CEMIP: variants seen among roughly 807,000 people sequenced by gnomAD.
The protein encoded by CEMIP is cell migration inducing hyaluronidase 1, also known as cell migration-inducing and hyaluronan-binding protein.
In CEMIP, 105 loss-of-function variants were observed where a neutral mutation model predicts 156.9. That is an observed-to-expected ratio of 0.67 (90% CI 0.57 to 0.79). The LOEUF (loss-of-function observed/expected upper bound fraction) is 0.79. Among genes scored for constraint, CEMIP ranks in the 30% least tolerant of loss-of-function variants. The probability of loss-of-function intolerance (pLI) is 0.00; values close to 1 mark genes in which losing one functional copy is unlikely to be tolerated. For missense variants in CEMIP, 1,457 were observed against 1,769.4 expected (o/e 0.82, Z 3.17); for synonymous variants, 676 against 668.4 (o/e 1.01, Z -0.17).
intron 8 of CEMIP, among the ~76,000 whole-genome samples, chr15:80,888,435 G>A (rs1898924262): frequency 1.3e-5 from 2 of 152,202 alleles, no homozygotes; most frequent in African/African-American, 4.8e-5. Context: ...TGCCAAGGAG[G>A]AATTCAGACC....
chr15:80,823,048 T>C (rs561459411), intron 1 of CEMIP, among the ~76,000 whole-genome samples: 1 of 152,268 alleles, frequency 6.6e-6, no homozygotes, highest in South Asian at 2.1e-4. Context: ...TCCGCTATTT[T>C]GCATATTAAA....
At chr15:80,823,996 G>C (rs1199099578) in intron 1 of CEMIP, among the ~76,000 whole-genome samples, 3 of 152,182 alleles carry the variant, frequency 2.0e-5, no homozygotes, top group African/African-American at 7.2e-5. Flanking sequence ...ACAGCATCAA[G>C]AAGGGGCCTG....
chr15:80,784,642 G>T (rs145606483), intron 1 of CEMIP, among the ~76,000 whole-genome samples: 1,557 of 152,292 alleles, frequency 0.01, 14 homozygotes, highest in Non-Finnish European at 0.017. Context: ...ACCTGGGCAG[G>T]TTCCTTGACT....
chr15:80,807,027 C>T (rs779868874), intron 1 of CEMIP, among the ~76,000 whole-genome samples: 3 of 152,110 alleles, frequency 2.0e-5, no homozygotes, highest in Non-Finnish European at 4.4e-5. Context: ...GGAAGTCAAT[C>T]GGTGATCAAT....
In CEMIP at chr15:80,946,971, A is replaced by T. The variant is rs773562977; in HGVS notation, c.3864A>T (p.Ile1288=). Residue 1288 remains isoleucine (I), a synonymous_variant, in exon 29 of 30, where the codon ATA becomes ATT. Coordinates refer to ENST00000394685, the MANE Select transcript of CEMIP (RefSeq NM_001293298.2). ...NYVATIPDNS[I]VLMASKGRYV... ...TTGGTTTCTTCTCACACAGTTCCAT[A>T]GTGCTTATGGCATCAAAGGGAAGAT... is the stretch of plus-strand genomic sequence containing the variant. The T allele has an allele frequency of 6.2e-7, 1 of 1,611,098 alleles. No homozygotes were observed. The highest frequency in any genetic ancestry group is 8.5e-7 in the Non-Finnish European group (1 of 1,177,292).
chr15:80,857,101 C>G (rs567271597), intron 1 of CEMIP, among the ~76,000 whole-genome samples: 4 of 152,230 alleles, frequency 2.6e-5, no homozygotes, highest in Non-Finnish European at 4.4e-5. Context: ...TAAAATCAAG[C>G]GTGCTCTTTC....
intron 1 of CEMIP, among the ~76,000 whole-genome samples, chr15:80,784,998 A>G (rs1002844653): frequency 6.6e-6 from 1 of 152,174 alleles, no homozygotes; most frequent in Admixed American, 6.5e-5. Context: ...ATTCTTGGAG[A>G]TAATTATTGT....
intron 1 of CEMIP, among the ~76,000 whole-genome samples, chr15:80,795,335 A>G (rs907376991): frequency 6.6e-6 from 1 of 152,004 alleles, no homozygotes; most frequent in Non-Finnish European, 1.5e-5. Flanking sequence ...ATGCAGGAAG[A>G]TGGCAGGGGA....
chr15:80,890,336 T>C (rs111927677), intron 10 of CEMIP, among the ~76,000 whole-genome samples: 2,168 of 151,210 alleles, frequency 0.014, 56 homozygotes, highest in African/African-American at 0.05. Context: ...CCCAGCACTT[T>C]GGGAGGCCAA....
chr15:80,791,868 G>A (rs1262846928), intron 1 of CEMIP, among the ~76,000 whole-genome samples: 1 of 152,194 alleles, frequency 6.6e-6, no homozygotes, highest in African/African-American at 2.4e-5. Flanking sequence ...CTCCCCTTTG[G>A]GGAGGAGGGA....
At chr15:80,846,802 C>T (rs1435565963) in intron 1 of CEMIP, among the ~76,000 whole-genome samples, 1 of 152,212 alleles carries the variant, frequency 6.6e-6, no homozygotes, top group Non-Finnish European at 1.5e-5. Context: ...TAATTCCTGG[C>T]TCAGCAACTC....
intron 1 of CEMIP, among the ~76,000 whole-genome samples, chr15:80,818,922 T>C (rs1172479431): frequency 1.3e-5 from 2 of 152,238 alleles, no homozygotes; most frequent in Admixed American, 6.5e-5. Flanking sequence ...CAGAGATCCA[T>C]CCTGGGGAGT....
intron 19 of CEMIP, among the ~76,000 whole-genome samples, chr15:80,927,773 G>T (rs1290014605): frequency 2.6e-5 from 4 of 152,120 alleles, no homozygotes; most frequent in African/African-American, 9.7e-5. Context: ...AGCACTGGGG[G>T]ACAGAAGCAA....
chr15:80,807,979 CT>C (rs1406435360), intron 1 of CEMIP, among the ~76,000 whole-genome samples: 25 of 152,320 alleles, frequency 1.6e-4, no homozygotes, highest in African/African-American at 6.0e-4. Flanking sequence ...TTGATCTTCC[CT>C]CTCTGTGTCT....
chr15:80,883,314 T>C (rs1460780479), intron 6 of CEMIP, among the ~76,000 whole-genome samples: 1 of 152,220 alleles, frequency 6.6e-6, no homozygotes, highest in Non-Finnish European at 1.5e-5. Context: ...GATTTGTATT[T>C]CATGGATATT....
intron 1 of CEMIP, among the ~76,000 whole-genome samples, chr15:80,800,021 A>ATGTATGTGTGTGTGTGTG (rs1286940522): frequency 2.4e-5 from 3 of 124,904 alleles, no homozygotes; most frequent in Non-Finnish European, 5.0e-5. Context: ...AGCTAATTTT[A>ATGTATGTGTGTGTGTGTG]TGTGTGTGTG....
At chr15:80,881,829 G>A (rs1596155423) in intron 6 of CEMIP, among the ~76,000 whole-genome samples, 2 of 152,330 alleles carry the variant, frequency 1.3e-5, no homozygotes, top group South Asian at 4.1e-4. Context: ...AGGGGGTTAG[G>A]AAGCTTCTGC....
intron 10 of CEMIP, among the ~76,000 whole-genome samples, chr15:80,890,070 T>C (rs1368460123): frequency 6.6e-6 from 1 of 152,212 alleles, no homozygotes; most frequent in Non-Finnish European, 1.5e-5. Flanking sequence ...TTAGAGTTAA[T>C]TCCATCTGAA....
intron 12 of CEMIP, among the ~76,000 whole-genome samples, chr15:80,896,584 G>A (rs1899233795): frequency 6.6e-6 from 1 of 152,138 alleles, no homozygotes; most frequent in African/African-American, 2.4e-5. Flanking sequence ...TGAGTTTGGG[G>A]TTTTTCTTTT....
Sources: allele counts gnomAD v4.1 joint callset (sites outside exome capture counted in the v4.1 genomes callset), GRCh38; gene constraint gnomAD v4.1.1; transcripts MANE v1.5; gene names NCBI Gene and HGNC (gene_info 2026-07-23, HGNC 2026-07-21).